RXFP2: variants seen among roughly 807,000 people sequenced by gnomAD.
The protein encoded by RXFP2 is relaxin receptor 2.
In RXFP2, 68 loss-of-function variants were observed where a neutral mutation model predicts 88.6. The observed-to-expected ratio is 0.77, with a 90% CI of 0.63 to 0.94. The LOEUF (loss-of-function observed/expected upper bound fraction) is 0.94, where lower values mean the gene tolerates loss of function less well. Ranked by LOEUF, RXFP2 falls within the 40% of genes least tolerant of loss-of-function variation. The pLI is 0.00. For missense variants in RXFP2, 791 were observed against 893.9 expected (o/e 0.88, Z 1.47); for synonymous variants, 329 against 306.8 (o/e 1.07, Z -0.76).
intron 11 of RXFP2, among the ~76,000 whole-genome samples, chr13:31,783,206 C>A (rs9549082): frequency 2.0e-5 from 3 of 151,974 alleles, no homozygotes; most frequent in African/African-American, 7.3e-5. Context: ...GAAGCAAATC[C>A]CAATGCTGAG....
intron 11 of RXFP2, 87 bp downstream of exon 11, chr13:31,782,834 T>C (rs1400676058): frequency 3.6e-6 from 3 of 836,322 alleles, no homozygotes; most frequent in Non-Finnish European, 6.1e-6. Context: ...TTGCCACTAG[T>C]AGCAATCAAA....
chr13:31,752,211 A>T (rs1481467394), intron 1 of RXFP2, among the ~76,000 whole-genome samples: 2 of 152,152 alleles, frequency 1.3e-5, no homozygotes, highest in Non-Finnish European at 2.9e-5. Context: ...GTTAGGCAGC[A>T]TTTCCCCAAA....
At chr13:31,744,014 G>A (rs903147539) in intron 1 of RXFP2, among the ~76,000 whole-genome samples, 3 of 151,936 alleles carry the variant, frequency 2.0e-5, no homozygotes, top group African/African-American at 7.3e-5. Context: ...TGTCTTTGCC[G>A]AGCTCCCTCC....
intron 1 of RXFP2, among the ~76,000 whole-genome samples, chr13:31,757,718 T>C (rs986079578): frequency 1.3e-5 from 2 of 152,264 alleles, no homozygotes; most frequent in African/African-American, 4.8e-5. Context: ...TTGTTTATGA[T>C]TACCTTGTGG....
chr13:31,776,621 C>T (rs1872999117), intron 7 of RXFP2, among the ~76,000 whole-genome samples: 1 of 151,988 alleles, frequency 6.6e-6, no homozygotes, highest in South Asian at 2.1e-4. Flanking sequence ...AATTCCTTTC[C>T]AAGAAGGATG....
intron 3 of RXFP2, among the ~76,000 whole-genome samples, chr13:31,762,657 A>G (rs1050442620): frequency 1.3e-5 from 2 of 152,168 alleles, no homozygotes; most frequent in African/African-American, 4.8e-5. Context: ...TATATATAAC[A>G]TATATATCAA....
At chr13:31,801,374 C>T (rs1874333230) in intron 17 of RXFP2, among the ~76,000 whole-genome samples, 2 of 152,106 alleles carry the variant, frequency 1.3e-5, no homozygotes, top group South Asian at 4.2e-4. Flanking sequence ...TTATCACCAG[C>T]CCCCTTTAAC....
chr13:31,776,092 CTTTCTTTTCTT>C (rs1566227754), intron 7 of RXFP2, among the ~76,000 whole-genome samples: 37 of 68,730 alleles, frequency 5.4e-4, no homozygotes, highest in African/African-American at 1.9e-3. Context: ...TTCCTTCTTT[CTTTCTTTTCTT>C]TTCTTTCTTT....
intron 5 of RXFP2, among the ~76,000 whole-genome samples, chr13:31,770,340 C>T (rs1020694804): frequency 1.3e-5 from 2 of 152,198 alleles, no homozygotes; most frequent in East Asian, 3.9e-4. Context: ...GCTGCTCATC[C>T]TTTCTCTGGA....
At chr13:31,781,845 G>T in intron 10 of RXFP2, 103 bp downstream of exon 10, 1 of 863,494 alleles carries the variant, frequency 1.2e-6, no homozygotes. Context: ...TTTGTTTACA[G>T]CCTTGGTCTG....
chr13:31,762,830 CAAT>C (rs1185537872), intron 3 of RXFP2, among the ~76,000 whole-genome samples: 3 of 152,108 alleles, frequency 2.0e-5, no homozygotes, highest in African/African-American at 7.2e-5. Context: ...ACCTGAGCCA[CAAT>C]GAGTTGTCTT....
chr13:31,753,789 A>T (rs1196292988), intron 1 of RXFP2, among the ~76,000 whole-genome samples: 3 of 152,068 alleles, frequency 2.0e-5, no homozygotes, highest in Admixed American at 2.0e-4. Context: ...AATTTTGAAA[A>T]GTGCTCTTCC....
In RXFP2 at chr13:31,796,140, C is replaced by T. The variant is rs1407361578; in HGVS notation, c.1787-1061C>T. On this transcript the variant is annotated intron_variant, in intron 16 of 17. Coordinates refer to ENST00000298386, the MANE Select transcript of RXFP2 (RefSeq NM_130806.5). The stretch of plus-strand genomic sequence containing the variant: ...TCTCGGCTCACTGCAAGCTCCGCTT[C>T]CCGGGTTCACGCCATTCTCCTGCCT... Among the ~76,000 whole-genome samples the T allele has an allele frequency of 6.3e-5, 9 of 142,616 alleles. No homozygotes were observed. In the Admixed American group the frequency reaches 6.5e-4, roughly 10 times the overall value. 93.6% of individuals were successfully genotyped at this position (142,616 alleles called of 152,430 possible).
chr13:31,741,213 A>G (rs12861275), intron 1 of RXFP2, among the ~76,000 whole-genome samples: 75,451 of 151,896 alleles, frequency 0.5, 19,679 homozygotes, highest in Non-Finnish European at 0.59. Flanking sequence ...TTTTTGTTTG[A>G]TTTTATTTCT....
chr13:31,741,028 G>A (rs1158638435), intron 1 of RXFP2, among the ~76,000 whole-genome samples: 2 of 151,926 alleles, frequency 1.3e-5, no homozygotes, highest in Non-Finnish European at 2.9e-5. Flanking sequence ...TAATGTACGG[G>A]ACTATAACCA....
intron 3 of RXFP2, among the ~76,000 whole-genome samples, chr13:31,762,678 G>A (rs1295457965): frequency 6.6e-6 from 1 of 151,994 alleles, no homozygotes; most frequent in Non-Finnish European, 1.5e-5. Context: ...ATACTACACT[G>A]ATAGTATTTT....
intron 3 of RXFP2, 32 bp from the exon 4 acceptor site, chr13:31,765,005 C>T (rs977503596): frequency 1.2e-5 from 13 of 1,099,618 alleles, no homozygotes; most frequent in Non-Finnish European, 1.7e-5. Context: ...TATTTGTTTA[C>T]TAGTGAAATC....
intron 5 of RXFP2, 29 bp downstream of exon 5, chr13:31,766,056 T>TAA (rs35564049): frequency 2.8e-4 from 280 of 987,084 alleles, no homozygotes; most frequent in Non-Finnish European, 3.7e-4. Flanking sequence ...CATATTTATT[T>TAA]AAAAAAAATC....
At position 31,791,847 on chromosome 13, in the gene RXFP2, T is replaced by G. The variant is rs746165490; in HGVS notation, c.1187T>G (p.Val396Gly). 1.9e-6 allele frequency: 3 copies of G among 1,614,170 alleles called. No homozygotes were observed. The highest frequency in any genetic ancestry group is 2.5e-6 in the Non-Finnish European group (3 of 1,179,996). ...CGATACTGCTCCTATGCTCCCCATG[T>G]CCGAATATGTATGCCCTTGACGGAC... ...NFRYCSYAPH[V>G]RICMPLTDGI... The change falls in exon 15 of 18, where the codon GTC becomes GGC. Residue 396 changes from valine (V) to glycine (G), a missense_variant. Coordinates refer to ENST00000298386, the MANE Select transcript of RXFP2 (RefSeq NM_130806.5).
Sources: gnomAD v4.1 joint callset for allele counts (sites outside exome capture counted in the v4.1 genomes callset) on GRCh38, gnomAD v4.1.1 for gene constraint, MANE v1.5 for transcripts, NCBI Gene and HGNC (gene_info 2026-07-23, HGNC 2026-07-21) for gene names.